SMIM10L1: variants seen among roughly 807,000 people sequenced by gnomAD.
The protein encoded by SMIM10L1 is small integral membrane protein 10 like 1.
Under a neutral mutation model 4.5 loss-of-function variants are expected in SMIM10L1, and 6 were observed. That is an observed-to-expected ratio of 1.33 (90% CI 0.73 to 2.62). SMIM10L1 has a LOEUF of 2.62. Among genes scored for constraint, SMIM10L1 ranks in the 30% most tolerant of loss-of-function variants. SMIM10L1 has a pLI of 0.00. For missense variants in SMIM10L1, 66 were observed against 86.2 expected (o/e 0.77, Z 0.93); for synonymous variants, 49 against 42.2 (o/e 1.16, Z -0.63).
chr12:11,173,643 C>T lies in SMIM10L1; in HGVS notation c.*2080C>T, dbSNP rs1254324339. On this transcript the variant is annotated 3_prime_UTR_variant, in exon 1 of 1. Transcript: ENST00000622602. ...ATGTCCCAATTTGTAACACAAAAGA[C>T]TGTCTAGTCTTAATCCTGAAATGGT... The T allele has an allele frequency of 6.6e-6, 1 of 152,138 alleles. No homozygotes were observed. The highest frequency in any genetic ancestry group is 2.4e-5 in the African/African-American group (1 of 41,452). 9.4% of individuals were successfully genotyped at this position (152,138 alleles called of 1,614,324 possible). A position where few individuals can be genotyped will look rare whatever the true frequency, so the allele number is the denominator to read the frequency against.
chr12:11,172,685 G>T lies in SMIM10L1; in HGVS notation c.*1122G>T, dbSNP rs1433716543. On this transcript the variant is annotated 3_prime_UTR_variant, in exon 1 of 1. Transcript: ENST00000622602. Reference sequence around the variant, plus strand: ...AGAGAGCTTTCATTTTCCAAAGAGTGTGGGGATAAATTAGTGAATGCATAT... The same window carrying T: ...AGAGAGCTTTCATTTTCCAAAGAGTTTGGGGATAAATTAGTGAATGCATAT... 1 of 152,170 alleles carries T rather than the reference G, an allele frequency of 6.6e-6. No homozygotes were observed. The highest frequency in any genetic ancestry group is 2.4e-5 in the African/African-American group (1 of 41,430). 9.4% of individuals were successfully genotyped at this position (152,170 alleles called of 1,614,324 possible).
chr12:11,171,272 T>G lies in SMIM10L1; in HGVS notation c.-85T>G. On this transcript the variant is annotated 5_prime_UTR_variant, in exon 1 of 1. Transcript: ENST00000622602. ...CCGGGAGCCGCTTTGCTTACCGTCC[T>G]GCCGGTCCCAGCCGTCGCTAGGAGG... is the stretch of plus-strand genomic sequence containing the variant. 1.1e-6 allele frequency: 1 copy of G among 919,186 alleles called. No individual in the cohort carries two copies. Among genetic ancestry groups the G allele is most frequent in the Non-Finnish European group, 1.4e-6 (1 of 702,288 alleles). 56.9% of individuals were successfully genotyped at this position (919,186 alleles called of 1,614,324 possible). A position where few individuals can be genotyped will look rare whatever the true frequency, so the allele number is the denominator to read the frequency against.
rs1283566722 is a variant in SMIM10L1, at chr12:11,175,604, G to A, written c.*4041G>A. On this transcript the variant is annotated 3_prime_UTR_variant, in exon 1 of 1. Transcript: ENST00000622602. ...TGAACCAAGAAAAGAACCTCTGCAA[G>A]AACTATGAGAATTCCCAACAATTGG... is the stretch of plus-strand genomic sequence containing the variant. 7 of 152,146 alleles carry A rather than the reference G, an allele frequency of 4.6e-5. No homozygotes were observed. Among genetic ancestry groups the A allele is most frequent in the Admixed American group, 2.0e-4 (3 of 15,270 alleles). 9.4% of individuals were successfully genotyped at this position (152,146 alleles called of 1,614,324 possible).
rs1257446554 is a variant in SMIM10L1 at position 11,175,738 on chromosome 12, CAT to C, written c.*4176_*4177del. 1.3e-5 allele frequency: 2 copies of C among 152,218 alleles called. No homozygotes were observed. The highest frequency in any genetic ancestry group is 4.8e-5 in the African/African-American group (2 of 41,430). 9.4% of individuals were successfully genotyped at this position (152,218 alleles called of 1,614,324 possible). ...TCTGAATGTGCCCCCCAAAAATTCA[CAT>C]GTTGGCATTTAACCCCCAAAGTGAT... On this transcript the variant is annotated 3_prime_UTR_variant, in exon 1 of 1. Transcript: ENST00000622602.
In SMIM10L1 at chr12:11,173,975, GTATA is replaced by G. The variant is rs1356232989; in HGVS notation, c.*2416_*2419del. 2.0e-5 allele frequency: 3 copies of G among 150,974 alleles called. No homozygotes were observed. The highest frequency in any genetic ancestry group is 2.1e-4 in the South Asian group (1 of 4,810). 9.4% of individuals were successfully genotyped at this position (150,974 alleles called of 1,614,324 possible). On this transcript the variant is annotated 3_prime_UTR_variant, in exon 1 of 1. Coordinates refer to ENST00000622602, the MANE Select transcript of SMIM10L1 (RefSeq NM_001271592.2). ...TACTATATATGTATACAGTATATAA[GTATA>G]TATGTATAGTTACTACTTACAATAT...
In SMIM10L1 at chr12:11,171,196, C is replaced by T. The variant is rs1290550479; in HGVS notation, c.-161C>T. On this transcript the variant is annotated 5_prime_UTR_variant, in exon 1 of 1. Coordinates refer to ENST00000622602, the MANE Select transcript of SMIM10L1 (RefSeq NM_001271592.2). ...GGCGGAGCGCCAGCGGCGCCCGGGG[C>T]TACGCGCCGCACTGCACCGAGCGGC... is the stretch of plus-strand genomic sequence containing the variant. 2 of 415,246 alleles carry T rather than the reference C, an allele frequency of 4.8e-6. No homozygotes were observed. 25.7% of individuals were successfully genotyped at this position (415,246 alleles called of 1,614,324 possible). A position where few individuals can be genotyped will look rare whatever the true frequency, so the allele number is the denominator to read the frequency against.
rs1173148966 is a variant in SMIM10L1 at position 11,171,589 on chromosome 12, G to A, written c.*26G>A. 6 of 1,228,336 alleles carry A rather than the reference G, an allele frequency of 4.9e-6. No individual in the cohort carries two copies. The highest frequency in any genetic ancestry group is 3.2e-5 in the East Asian group (1 of 31,666). 76.1% of individuals were successfully genotyped at this position (1,228,336 alleles called of 1,614,324 possible). A position where few individuals can be genotyped will look rare whatever the true frequency, so the allele number is the denominator to read the frequency against. The stretch of plus-strand genomic sequence containing the variant: ...AGCCATGACTAAGCTAACGGCCTCC[G>A]GGGCCAGCATGATGGCCGACTCCCA... On this transcript the variant is annotated 3_prime_UTR_variant, in exon 1 of 1. Coordinates refer to ENST00000622602, the MANE Select transcript of SMIM10L1 (RefSeq NM_001271592.2).
rs1947856256 is a variant in SMIM10L1, at chr12:11,171,714, G to A, written c.*151G>A. The A allele has an allele frequency of 3.3e-5, 16 of 490,032 alleles. No homozygotes were observed. The South Asian group carries it at 1.5e-3, about 45-fold the overall frequency. The allele number at this position is 490,032 out of a possible 1,614,324, so 30.4% of individuals were successfully genotyped here. A position where few individuals can be genotyped will look rare whatever the true frequency, so the allele number is the denominator to read the frequency against. On this transcript the variant is annotated 3_prime_UTR_variant, in exon 1 of 1. Transcript: ENST00000622602. ...GGCTGCCCTCTTAGCTGCTAGCGGA[G>A]CTCCTCAGGGGGCGGCCGGGAGCCT...
chr12:11,172,634 G>A lies in SMIM10L1; in HGVS notation c.*1071G>A, dbSNP rs539684990. The A allele has an allele frequency of 5.3e-5, 8 of 152,268 alleles. No homozygotes were observed. Among genetic ancestry groups the A allele is most frequent in the Non-Finnish European group, 8.8e-5 (6 of 68,020 alleles). 9.4% of individuals were successfully genotyped at this position (152,268 alleles called of 1,614,324 possible). On this transcript the variant is annotated 3_prime_UTR_variant, in exon 1 of 1. Transcript: ENST00000622602. Reference sequence around the variant, plus strand: ...AGTTTAAAAAATGAAAATTGATAGAGTACCTGGTGTATTTGAATACAGCCT... The same window carrying A: ...AGTTTAAAAAATGAAAATTGATAGAATACCTGGTGTATTTGAATACAGCCT...
chr12:11,171,361 C>T lies in SMIM10L1; in HGVS notation c.5C>T (p.Ala2Val), dbSNP rs1947837745. MAPAAAPSSLAV... is the reference protein window; with the variant it reads MVPAAAPSSLAV... ...GCGGGCGGCGACACCTGGCTCATGG[C>T]CCCCGCGGCGGCTCCGTCCTCCTTG... Residue 2 changes from alanine to valine, a missense_variant, in exon 1 of 1, where the codon GCC becomes GTC. Physicochemically the swap from Ala to Val is moderately conservative, Grantham distance 64 (BLOSUM62 0). Transcript: ENST00000622602. 1 of 1,231,576 alleles carries T rather than the reference C, an allele frequency of 8.1e-7. No individual in the cohort carries two copies. Among genetic ancestry groups the T allele is most frequent in the Non-Finnish European group, 1.0e-6 (1 of 987,562 alleles). The allele number at this position is 1,231,576 out of a possible 1,614,324, so 76.3% of individuals were successfully genotyped here.
rs1448263851 is a variant in SMIM10L1, at chr12:11,172,374, A to G, written c.*811A>G. On this transcript the variant is annotated 3_prime_UTR_variant, in exon 1 of 1. Transcript: ENST00000622602. ...CATGTTTTAAAAATACAGCCGGAAAATACAAGTGGGAATGTTGAAGGAGGG... is the reference window on the plus strand; with the variant it reads ...CATGTTTTAAAAATACAGCCGGAAAGTACAAGTGGGAATGTTGAAGGAGGG... 6.6e-6 allele frequency: 1 copy of G among 152,234 alleles called. No homozygotes were observed. Among genetic ancestry groups the G allele is most frequent in the Non-Finnish European group, 1.5e-5 (1 of 68,038 alleles). 9.4% of individuals were successfully genotyped at this position (152,234 alleles called of 1,614,324 possible). A position where few individuals can be genotyped will look rare whatever the true frequency, so the allele number is the denominator to read the frequency against.
chr12:11,173,197 A>G lies in SMIM10L1; in HGVS notation c.*1634A>G, dbSNP rs1947893471. 2 of 152,158 alleles carry G rather than the reference A, an allele frequency of 1.3e-5. No homozygotes were observed. The highest frequency in any genetic ancestry group is 4.8e-5 in the African/African-American group (2 of 41,434). 9.4% of individuals were successfully genotyped at this position (152,158 alleles called of 1,614,324 possible). ...CAGCAAACAGTGTTCTATGGCTTTA[A>G]GTAGTAAGCATCTTGCCCCGTCCAA... On this transcript the variant is annotated 3_prime_UTR_variant, in exon 1 of 1. Coordinates refer to ENST00000622602, the MANE Select transcript of SMIM10L1 (RefSeq NM_001271592.2).
rs1172876044 is a variant in SMIM10L1 at position 11,174,529 on chromosome 12, C to A, written c.*2966C>A. 6.7e-6 allele frequency: 1 copy of A among 149,674 alleles called. No individual in the cohort carries two copies. Among genetic ancestry groups the A allele is most frequent in the Admixed American group, 6.7e-5 (1 of 14,974 alleles). The allele number at this position is 149,674 out of a possible 1,614,324, so 9.3% of individuals were successfully genotyped here. A position where few individuals can be genotyped will look rare whatever the true frequency, so the allele number is the denominator to read the frequency against. The stretch of plus-strand genomic sequence containing the variant: ...CAGAGATCCCTCAAGCATGAAAAAG[C>A]AGAGACATAGGTGGTATAGTTATTA... On this transcript the variant is annotated 3_prime_UTR_variant, in exon 1 of 1. Coordinates refer to ENST00000622602, the MANE Select transcript of SMIM10L1 (RefSeq NM_001271592.2).
Position 11,173,930 on chromosome 12 carries a change from A to G in SMIM10L1, c.*2367A>G, listed in dbSNP as rs1402265158. 2.0e-5 allele frequency: 3 copies of G among 151,368 alleles called. No individual in the cohort carries two copies. The highest frequency in any genetic ancestry group is 6.6e-5 in the Admixed American group (1 of 15,156). 9.4% of individuals were successfully genotyped at this position (151,368 alleles called of 1,614,324 possible). ...AAATTTAAGTAGTAACTATATATGTATATATGTATAGTTACTACTTACTAT... is the reference window on the plus strand; with the variant it reads ...AAATTTAAGTAGTAACTATATATGTGTATATGTATAGTTACTACTTACTAT... On this transcript the variant is annotated 3_prime_UTR_variant, in exon 1 of 1. Transcript: ENST00000622602.
chr12:11,172,151 G>A lies in SMIM10L1; in HGVS notation c.*588G>A, dbSNP rs8300. The stretch of plus-strand genomic sequence containing the variant: ...TAATGGCGAGAGTGTAAGAAAATGG[G>A]CTCTACTTCAGTGATCCTGTGGCAG... On this transcript the variant is annotated 3_prime_UTR_variant, in exon 1 of 1. Coordinates refer to ENST00000622602, the MANE Select transcript of SMIM10L1 (RefSeq NM_001271592.2). 35,545 of 152,158 alleles carry A rather than the reference G, an allele frequency of 0.23. 4,173 individuals are homozygous for A. Among genetic ancestry groups the A allele is most frequent in the Non-Finnish European group, 0.25 (16,863 of 67,992 alleles). The allele number at this position is 152,158 out of a possible 1,614,324, so 9.4% of individuals were successfully genotyped here.
Position 11,175,652 on chromosome 12 carries a change from T to A in SMIM10L1, c.*4089T>A, listed in dbSNP as rs1221711328. On this transcript the variant is annotated 3_prime_UTR_variant, in exon 1 of 1. Coordinates refer to ENST00000622602, the MANE Select transcript of SMIM10L1 (RefSeq NM_001271592.2). Reference sequence around the variant, plus strand: ...TGGGTTGGATTGATTCATATTAGTCTATTACTTGGGTTACCTTGAGTGTGG... The same window carrying A: ...TGGGTTGGATTGATTCATATTAGTCAATTACTTGGGTTACCTTGAGTGTGG... 6.6e-6 allele frequency: 1 copy of A among 152,224 alleles called. No homozygotes were observed. The highest frequency in any genetic ancestry group is 1.5e-5 in the Non-Finnish European group (1 of 68,042). 9.4% of individuals were successfully genotyped at this position (152,224 alleles called of 1,614,324 possible). A position where few individuals can be genotyped will look rare whatever the true frequency, so the allele number is the denominator to read the frequency against.
In SMIM10L1 at chr12:11,173,318, C is replaced by T. The variant is rs1947897357; in HGVS notation, c.*1755C>T. On this transcript the variant is annotated 3_prime_UTR_variant, in exon 1 of 1. Coordinates refer to ENST00000622602, the MANE Select transcript of SMIM10L1 (RefSeq NM_001271592.2). Reference sequence around the variant, plus strand: ...GCACATTCTCCTATAGCCTTTTCTACCTGAAGATACTCTGTGTTTTAAAGC... The same window carrying T: ...GCACATTCTCCTATAGCCTTTTCTATCTGAAGATACTCTGTGTTTTAAAGC... The T allele has an allele frequency of 6.6e-6, 1 of 152,062 alleles. No homozygotes were observed. The highest frequency in any genetic ancestry group is 1.5e-5 in the Non-Finnish European group (1 of 68,004). The allele number at this position is 152,062 out of a possible 1,614,324, so 9.4% of individuals were successfully genotyped here. A position where few individuals can be genotyped will look rare whatever the true frequency, so the allele number is the denominator to read the frequency against.
At position 11,171,283 on chromosome 12, in the gene SMIM10L1, G is replaced by C. The variant is rs536882515; in HGVS notation, c.-74G>C. ...TTTGCTTACCGTCCTGCCGGTCCCA[G>C]CCGTCGCTAGGAGGTCCGCGGGCCC... is the stretch of plus-strand genomic sequence containing the variant. On this transcript the variant is annotated 5_prime_UTR_variant, in exon 1 of 1. Transcript: ENST00000622602. 2.1e-5 allele frequency: 21 copies of C among 1,009,302 alleles called. No homozygotes were observed. The highest frequency in any genetic ancestry group is 7.2e-4 in the Middle Eastern group (2 of 2,784). 62.5% of individuals were successfully genotyped at this position (1,009,302 alleles called of 1,614,324 possible).
Position 11,171,330 on chromosome 12 carries a change from C to A in SMIM10L1, c.-27C>A, listed in dbSNP as rs1284950902. The A allele has an allele frequency of 2.0e-5, 24 of 1,226,250 alleles. No individual in the cohort carries two copies. The highest frequency in any genetic ancestry group is 2.3e-5 in the Non-Finnish European group (23 of 982,770). The allele number at this position is 1,226,250 out of a possible 1,614,324, so 76.0% of individuals were successfully genotyped here. On this transcript the variant is annotated 5_prime_UTR_variant, in exon 1 of 1. Transcript: ENST00000622602. ...GCCCTGCGGCAACCCTCGCTACAGA[C>A]GCTGGGCGGGCGGCGACACCTGGCT...
Sources: gnomAD v4.1 joint callset for allele counts on GRCh38, gnomAD v4.1.1 for gene constraint, MANE v1.5 for transcripts, NCBI Gene and HGNC (gene_info 2026-07-23, HGNC 2026-07-21) for gene names.